The following LTBP1 variants were observed in gnomAD, a reference collection of about 807,000 sequenced individuals.
The protein encoded by LTBP1 is latent transforming growth factor beta binding protein 1, also known as latent-transforming growth factor beta-binding protein 1.
LTBP1 carries 129 observed loss-of-function variants against 207.6 expected under a neutral mutation model. The observed-to-expected ratio is 0.62, with a 90% CI of 0.54 to 0.72. LTBP1 has a LOEUF of 0.72. Among genes scored for constraint, LTBP1 ranks in the 30% least tolerant of loss-of-function variants. The pLI is 0.00. For synonymous variants in LTBP1, 963 were observed against 833.7 expected, an observed-to-expected ratio of 1.16 and a Z score of -2.67; for missense variants, 2,281 against 2,217.2, an observed-to-expected ratio of 1.03 and a Z score of -0.58.
At chr2:33,110,536 A>G (rs1297479152) in intron 3 of LTBP1, 46 bp from the exon 4 acceptor site, 8 of 1,551,566 alleles carry the variant, frequency 5.2e-6, no homozygotes, top group Non-Finnish European at 7.1e-6. Flanking sequence ...GCTGACTTTT[A>G]AAAGCCCATT....
chr2:33,098,614 T>A (rs1336701239), intron 3 of LTBP1, among the ~76,000 whole-genome samples: 1 of 152,020 alleles, frequency 6.6e-6, no homozygotes, highest in East Asian at 1.9e-4. Flanking sequence ...GTATTTTTTT[T>A]TTTTAAGTAG....
chr2:33,031,473 G>A (rs1029552244), intron 3 of LTBP1, among the ~76,000 whole-genome samples: 2 of 152,186 alleles, frequency 1.3e-5, no homozygotes, highest in Non-Finnish European at 2.9e-5. Flanking sequence ...TCCAATTGGA[G>A]GGATCAGGCT....
chr2:33,265,605 G>C (rs1179982477), intron 15 of LTBP1, among the ~76,000 whole-genome samples: 1 of 152,028 alleles, frequency 6.6e-6, no homozygotes, highest in Non-Finnish European at 1.5e-5. Flanking sequence ...ATAAAAAACT[G>C]AATGATATAG....
At chr2:33,289,615 C>T (rs970233402) in intron 19 of LTBP1, among the ~76,000 whole-genome samples, 1 of 152,210 alleles carries the variant, frequency 6.6e-6, no homozygotes, top group Non-Finnish European at 1.5e-5. Context: ...GCCCTCCCAC[C>T]TCAGCCTCCT....
At chr2:33,045,931 A>C (rs941468144) in intron 3 of LTBP1, among the ~76,000 whole-genome samples, 1 of 152,152 alleles carries the variant, frequency 6.6e-6, no homozygotes, top group Non-Finnish European at 1.5e-5. Context: ...TTATTGGTGT[A>C]TAGGGATGCT....
intron 31 of LTBP1, among the ~76,000 whole-genome samples, chr2:33,369,764 G>A (rs2095045429): frequency 6.6e-6 from 1 of 152,148 alleles, no homozygotes; most frequent in African/African-American, 2.4e-5. Context: ...CAAAATTACG[G>A]ACCTAGAACT....
chr2:33,027,740 G>A (rs527380694), intron 3 of LTBP1, among the ~76,000 whole-genome samples: 59 of 152,178 alleles, frequency 3.9e-4, no homozygotes, highest in Non-Finnish European at 7.6e-4. Flanking sequence ...AGGAGGCAGA[G>A]GCAGGAGAAT....
chr2:33,305,521 G>A (rs950961877), intron 22 of LTBP1, among the ~76,000 whole-genome samples: 9 of 152,306 alleles, frequency 5.9e-5, no homozygotes, highest in East Asian at 3.9e-4. Context: ...GGGAATAGCA[G>A]ATGCGGATGC....
chr2:33,066,729 T>A (rs1226367824), intron 3 of LTBP1, among the ~76,000 whole-genome samples: 2 of 152,236 alleles, frequency 1.3e-5, no homozygotes, highest in Admixed American at 6.5e-5. Flanking sequence ...TGTTTCATTA[T>A]AGCAGAATTT....
intron 26 of LTBP1, among the ~76,000 whole-genome samples, chr2:33,355,981 C>CCAAAG: frequency 6.6e-6 from 1 of 151,350 alleles, no homozygotes; most frequent in East Asian, 1.9e-4. Flanking sequence ...GCATGTTTTA[C>CCAAAG]CATCTGAAGT....
At chr2:33,331,389 A>G (rs186238871) in intron 24 of LTBP1, among the ~76,000 whole-genome samples, 27 of 152,190 alleles carry the variant, frequency 1.8e-4, no homozygotes, top group Admixed American at 3.9e-4. Flanking sequence ...TTTATCTGCT[A>G]TCCATAAGTT....
chr2:33,148,399 C>T (rs1299158050), intron 5 of LTBP1, among the ~76,000 whole-genome samples: 1 of 152,156 alleles, frequency 6.6e-6, no homozygotes, highest in Non-Finnish European at 1.5e-5. Context: ...AACTTGCCTA[C>T]CTGAATTGTC....
chr2:33,085,799 T>TA (rs1175232484), intron 3 of LTBP1, among the ~76,000 whole-genome samples: 1 of 152,228 alleles, frequency 6.6e-6, no homozygotes, highest in Non-Finnish European at 1.5e-5. Context: ...AACCACATTT[T>TA]AGACTTTTTG....
chr2:33,219,605 T>G lies in LTBP1; in HGVS notation c.1804+1951T>G, dbSNP rs371096853. 7.8e-4 allele frequency among the ~76,000 whole-genome samples: 118 copies of G among 152,198 alleles called. 1 individual carries two copies. The highest frequency in any genetic ancestry group is 2.7e-3 in the African/African-American group (114 of 41,532). On this transcript the variant is annotated intron_variant, in intron 8 of 33. Coordinates refer to ENST00000404816, the MANE Select transcript of LTBP1 (RefSeq NM_206943.4). ...CTGTCTGTAGGAATATTGAGGAGGA[T>G]GATATATTTTCCACTGTTTGGTCTA... is the stretch of plus-strand genomic sequence containing the variant.
At chr2:33,082,693 G>A (rs754006944) in intron 3 of LTBP1, among the ~76,000 whole-genome samples, 11 of 152,024 alleles carry the variant, frequency 7.2e-5, no homozygotes, top group Non-Finnish European at 1.2e-4. Context: ...CCAAAGTGCC[G>A]GGATTACAGG....
chr2:33,123,678 A>G (rs1199664770), intron 4 of LTBP1, among the ~76,000 whole-genome samples: 1 of 152,238 alleles, frequency 6.6e-6, no homozygotes, highest in Non-Finnish European at 1.5e-5. Context: ...TTGTTATCAA[A>G]GATCAGGTAG....
chr2:32,971,040 G>GTCTGTC (rs1401938698), intron 2 of LTBP1, among the ~76,000 whole-genome samples: 32 of 137,244 alleles, frequency 2.3e-4, no homozygotes, highest in African/African-American at 7.8e-4. Context: ...GTGTGTGTGT[G>GTCTGTC]TGTCTGTCTG....
chr2:33,178,613 A>G (rs1039068742), intron 5 of LTBP1, among the ~76,000 whole-genome samples: 3 of 152,218 alleles, frequency 2.0e-5, no homozygotes, highest in Non-Finnish European at 4.4e-5. Context: ...TTAGCTTGAT[A>G]TACCTGGTAT....
intron 7 of LTBP1, among the ~76,000 whole-genome samples, chr2:33,210,154 G>A (rs189822038): frequency 1.3e-5 from 2 of 152,328 alleles, no homozygotes; most frequent in Admixed American, 1.3e-4. Context: ...AAGGCAAGTA[G>A]ATATCTGGGA....
Sources: allele counts gnomAD v4.1 joint callset (sites outside exome capture counted in the v4.1 genomes callset), GRCh38; gene constraint gnomAD v4.1.1; transcripts MANE v1.5; gene names NCBI Gene and HGNC (gene_info 2026-07-23, HGNC 2026-07-21).